Variants in USP51 observed in about 807,000 individuals in gnomAD.
The protein encoded by USP51 is ubiquitin carboxyl-terminal hydrolase 51.
USP51 carries 5 observed loss-of-function variants against 17.6 expected under a neutral mutation model. That is an observed-to-expected ratio of 0.28 (90% CI 0.15 to 0.60). The LOEUF is 0.60. Among genes scored for constraint, USP51 ranks in the 20% least tolerant of loss-of-function variants. The probability of loss-of-function intolerance (pLI) is 0.88; values close to 1 mark genes in which losing one functional copy is unlikely to be tolerated. For synonymous variants in USP51, 248 were observed against 216.1 expected (o/e 1.15, Z -1.29); for missense variants, 459 against 559.5 (o/e 0.82, Z 1.81).
intron 2 of USP51, 59 bp from the exon 3 acceptor site, chrX:55,489,047 G>C: frequency 9.4e-7 from 1 of 1,060,765 alleles, no homozygotes. Flanking sequence ...CATGGCCGCG[G>C]TGCGCAGTTA....
chrX:55,489,177 A>G lies in USP51; in HGVS notation c.-58T>C. On this transcript the variant is annotated 5_prime_UTR_variant, in exon 2 of 3. Coordinates refer to ENST00000500968, the MANE Select transcript of USP51 (RefSeq NM_201286.4). Reference sequence around the variant, plus strand: ...GAGACCGAGGCGGTTACCTGCTTCAAAGGCGATCAGATCATGCCAGGGGAC... The same window carrying G: ...GAGACCGAGGCGGTTACCTGCTTCAGAGGCGATCAGATCATGCCAGGGGAC... 4.7e-6 allele frequency: 2 copies of G among 426,887 alleles called. No individual in the cohort carries two copies. Among genetic ancestry groups the G allele is most frequent in the Non-Finnish European group, 4.1e-6 (1 of 246,332 alleles). 35.2% of individuals were successfully genotyped at this position (426,887 alleles called of 1,213,427 possible).
At position 55,488,611 on chromosome X, in the gene USP51, G is replaced by C. The variant is rs1452358168; in HGVS notation, c.329C>G (p.Pro110Arg). ...PRRKPRPRPQ[P>R]RARSRSQPGL... ...AGGCTGGCTGCGGGAGCGGGCCCGG[G>C]GCTGGGGCCGAGGGCGGGGCTTGCG... The change falls in exon 3 of 3, where the codon CCC becomes CGC. Residue 110 changes from proline (P) to arginine (R), a missense_variant. Pro to Arg is a moderately radical substitution (Grantham distance 103). Transcript: ENST00000500968. The C allele has an allele frequency of 8.8e-7, 1 of 1,137,624 alleles. No homozygotes were observed. Among genetic ancestry groups the C allele is most frequent in the Non-Finnish European group, 1.2e-6 (1 of 862,967 alleles). The allele number at this position is 1,137,624 out of a possible 1,213,427, so 93.8% of individuals were successfully genotyped here.
At position 55,488,613 on chromosome X, in the gene USP51, C is replaced by A. The variant is rs2031367028; in HGVS notation, c.327G>T (p.Gln109His). 2 of 1,141,070 alleles carry A rather than the reference C, an allele frequency of 1.8e-6. No homozygotes were observed. Among genetic ancestry groups the A allele is most frequent in the Non-Finnish European group, 2.3e-6 (2 of 864,255 alleles). The allele number at this position is 1,141,070 out of a possible 1,213,427, so 94.0% of individuals were successfully genotyped here. A position where few individuals can be genotyped will look rare whatever the true frequency, so the allele number is the denominator to read the frequency against. ...CPRRKPRPRP[Q>H]PRARSRSQPG... is the part of the protein sequence containing the mutation. ...GCTGGCTGCGGGAGCGGGCCCGGGG[C>A]TGGGGCCGAGGGCGGGGCTTGCGGC... Residue 109 changes from glutamine to histidine, a missense_variant, in exon 3 of 3, where the codon CAG becomes CAT. This residue lies in a region of USP51 where 232 missense variants were observed against 194.0 expected (regional missense o/e 1.20). Transcript: ENST00000500968.
Position 55,488,696 on chromosome X carries a change from T to C in USP51, c.244A>G (p.Lys82Glu). ...LTWSSSGGDEKVLPSIPLRCH... is the reference protein window; with the variant it reads ...LTWSSSGGDEEVLPSIPLRCH... ...CGAAGGGGGATTGAAGGGAGCACCT[T>C]CTCGTCGCCGCCGCTGCTGCTCCAC... The change falls in exon 3 of 3, where the codon AAG (lysine) becomes GAG (glutamate). Residue 82 changes from lysine (K) to glutamate (E), a missense_variant. By Grantham distance (56) the Lys-to-Glu change is moderately conservative. Transcript: ENST00000500968. 1 of 1,200,432 alleles carries C rather than the reference T, an allele frequency of 8.3e-7. No individual in the cohort carries two copies. The highest frequency in any genetic ancestry group is 1.1e-6 in the Non-Finnish European group (1 of 894,886).
rs1346936869 is a variant in USP51, at chrX:55,487,259, G to A, written c.1681C>T (p.His561Tyr). The A allele has an allele frequency of 1.7e-6, 2 of 1,211,689 alleles. No individual in the cohort carries two copies. Among genetic ancestry groups the A allele is most frequent in the Non-Finnish European group, 2.2e-6 (2 of 895,460 alleles). The part of the protein sequence containing the change: ...DCLQWFTRPE[H>Y]LGSSAKIKCN... ...TTGATTTTGGCACTGCTTCCTAGGT[G>A]CTCTGGCCTTGTAAACCACTGTAGA... Residue 561 changes from histidine to tyrosine, a missense_variant, in exon 3 of 3, where the codon CAC becomes TAC. Physicochemically the swap from His to Tyr is moderately conservative, Grantham distance 83. Transcript: ENST00000500968.
Position 55,485,627 on chromosome X carries a change from T to C in USP51, c.*1177A>G, listed in dbSNP as rs2031304466. 1 of 111,165 alleles carries C rather than the reference T, an allele frequency of 9.0e-6. No homozygotes were observed. Among genetic ancestry groups the C allele is most frequent in the African/African-American group, 3.3e-5 (1 of 30,764 alleles). 9.2% of individuals were successfully genotyped at this position (111,165 alleles called of 1,213,427 possible). A position where few individuals can be genotyped will look rare whatever the true frequency, so the allele number is the denominator to read the frequency against. ...TGCTTAAATAAAAAAATAGAACTTC[T>C]TAAACTTTTAATTTTAATAATTTTT... On this transcript the variant is annotated 3_prime_UTR_variant, in exon 3 of 3. Coordinates refer to ENST00000500968, the MANE Select transcript of USP51 (RefSeq NM_201286.4).
rs1569195672 is a variant in USP51 at position 55,484,630 on chromosome X, A to C, written c.*2174T>G. The C allele has an allele frequency of 2.7e-5, 3 of 112,273 alleles. No individual in the cohort carries two copies. Among genetic ancestry groups the C allele is most frequent in the Non-Finnish European group, 5.6e-5 (3 of 53,283 alleles). 9.3% of individuals were successfully genotyped at this position (112,273 alleles called of 1,213,427 possible). A position where few individuals can be genotyped will look rare whatever the true frequency, so the allele number is the denominator to read the frequency against. ...CTGAACTCATCTTCACATTTAACAA[A>C]TATTTATTAACACAGAAATGAATAA... On this transcript the variant is annotated 3_prime_UTR_variant, in exon 3 of 3. Transcript: ENST00000500968.
Position 55,486,679 on chromosome X carries a change from T to C in USP51, c.*125A>G. The stretch of plus-strand genomic sequence containing the variant: ...CCATGGGCCATGCTAAAATAGGTTC[T>C]TTATATCAAGATACTAGCTGTCACA... On this transcript the variant is annotated 3_prime_UTR_variant, in exon 3 of 3. Transcript: ENST00000500968. 1.0e-6 allele frequency: 1 copy of C among 976,665 alleles called. No individual in the cohort carries two copies. The highest frequency in any genetic ancestry group is 1.4e-6 in the Non-Finnish European group (1 of 733,581). 80.5% of individuals were successfully genotyped at this position (976,665 alleles called of 1,213,427 possible). A position where few individuals can be genotyped will look rare whatever the true frequency, so the allele number is the denominator to read the frequency against.
chrX:55,486,310 T>G lies in USP51; in HGVS notation c.*494A>C, dbSNP rs1384649769. ...TAAAAGTTTTTTTCTTTTAAAATCT[T>G]AAAAATGATTTTTTCCTTTTTAAAT... On this transcript the variant is annotated 3_prime_UTR_variant, in exon 3 of 3. Transcript: ENST00000500968. 1 of 112,571 alleles carries G rather than the reference T, an allele frequency of 8.9e-6. No individual in the cohort carries two copies. Among genetic ancestry groups the G allele is most frequent in the African/African-American group, 3.2e-5 (1 of 31,086 alleles). The allele number at this position is 112,571 out of a possible 1,213,427, so 9.3% of individuals were successfully genotyped here. A position where few individuals can be genotyped will look rare whatever the true frequency, so the allele number is the denominator to read the frequency against.
rs780016291 is a variant in USP51, at chrX:55,487,521, C to A, written c.1419G>T (p.Glu473Asp). The change falls in exon 3 of 3, where the codon GAG (glutamate) becomes GAT (aspartate). Residue 473 changes from glutamate (E) to aspartate (D), a missense_variant. Around this residue, in one of 2 missense-constraint regions of USP51, gnomAD observed 227 missense variants for 365.5 expected, o/e 0.62. Coordinates refer to ENST00000500968, the MANE Select transcript of USP51 (RefSeq NM_201286.4). ...RHSKDDSGGQEANNPNCCNCI... is the reference protein window; with the variant it reads ...RHSKDDSGGQDANNPNCCNCI... ...AGTTACAGCAGTTGGGGTTATTGGC[C>A]TCCTGCCCACCACTATCATCTTTGC... The A allele has an allele frequency of 1.7e-6, 2 of 1,210,368 alleles. No homozygotes were observed. The highest frequency in any genetic ancestry group is 3.0e-5 in the East Asian group (1 of 33,787).
In USP51 at chrX:55,488,730, C is replaced by T. The variant is rs777481276; in HGVS notation, c.210G>A (p.Glu70=). Reference sequence around the variant, plus strand: ...CGCCGCTGCTGCTCCACGTCAAGTTCTCCTCCGGCGCGGGCTCACGCTCTT... The same window carrying T: ...CGCCGCTGCTGCTCCACGTCAAGTTTTCCTCCGGCGCGGGCTCACGCTCTT... ...PLQEREPAPE[E]NLTWSSSGGD... Residue 70 remains glutamate, a synonymous_variant, in exon 3 of 3, where the codon GAG becomes GAA. Transcript: ENST00000500968. 4 of 1,205,296 alleles carry T rather than the reference C, an allele frequency of 3.3e-6. No individual in the cohort carries two copies. Among genetic ancestry groups the T allele is most frequent in the Admixed American group, 4.3e-5 (2 of 46,116 alleles).
At position 55,488,490 on chromosome X, in the gene USP51, G is replaced by A; in HGVS notation, c.450C>T (p.Ser150=). Residue 150 remains serine (S), a synonymous_variant, in exon 3 of 3, where the codon TCC becomes TCT. Coordinates refer to ENST00000500968, the MANE Select transcript of USP51 (RefSeq NM_201286.4). Reference sequence around the variant, plus strand: ...TGGACCCAGGCCGGGATCTGCGCCGGGATCCACGCCAGGCCCTGGGCCGCG... The same window carrying A: ...TGGACCCAGGCCGGGATCTGCGCCGAGATCCACGCCAGGCCCTGGGCCGCG... ...PAPRPRAWRG[S]RRRSRPGSRP... 8.3e-7 allele frequency: 1 copy of A among 1,200,364 alleles called. No homozygotes were observed. The highest frequency in any genetic ancestry group is 2.3e-4 in the Middle Eastern group (1 of 4,288).
In USP51 at chrX:55,486,573, A is replaced by C; in HGVS notation, c.*231T>G. On this transcript the variant is annotated 3_prime_UTR_variant, in exon 3 of 3. Coordinates refer to ENST00000500968, the MANE Select transcript of USP51 (RefSeq NM_201286.4). ...TCATTTCATTATGCTTTATGTGACC[A>C]TTTTCAACCTCTTCTCCCTCTCCCC... The C allele has an allele frequency of 2.7e-6, 1 of 373,863 alleles. No homozygotes were observed. The highest frequency in any genetic ancestry group is 4.3e-5 in the East Asian group (1 of 23,243). 30.8% of individuals were successfully genotyped at this position (373,863 alleles called of 1,213,427 possible).
rs1422472431 is a variant in USP51 at position 55,488,421 on chromosome X, CGACCCGTCTAGGTCACCA to C, written c.501_518del (p.Leu170_Asp175del). ...AGTCCCCTAAGCCGCCAGGATCCCC[CGACCCGTCTAGGTCACCA>C]GAGCAGCTTCTCCGTGTCTGAGGCC... On this transcript the variant is annotated inframe_deletion, in exon 3 of 3. Coordinates refer to ENST00000500968, the MANE Select transcript of USP51 (RefSeq NM_201286.4). 2 of 1,209,810 alleles carry C rather than the reference CGACCCGTCTAGGTCACCA, an allele frequency of 1.7e-6. No homozygotes were observed. Among genetic ancestry groups the C allele is most frequent in the African/African-American group, 3.5e-5 (2 of 57,378 alleles).
chrX:55,488,841 C>T lies in USP51; in HGVS notation c.99G>A (p.Lys33=), dbSNP rs1383482262. 8.3e-7 allele frequency: 1 copy of T among 1,209,890 alleles called. No homozygotes were observed. The highest frequency in any genetic ancestry group is 1.7e-5 in the African/African-American group (1 of 57,224). ...GGASPEEAVE[K]AGKMEEAAAG... ...CCGCCGCCTCCTCCATTTTCCCCGC[C>T]TTCTCAACCGCCTCCTCAGGAGAGG... The change falls in exon 3 of 3, where the codon AAG becomes AAA. Residue 33 remains lysine (K), a synonymous_variant. Transcript: ENST00000500968.
In USP51 at chrX:55,488,642, G is replaced by A. The variant is rs1257875823; in HGVS notation, c.298C>T (p.Pro100Ser). The change falls in exon 3 of 3, where the codon CCG becomes TCG. Residue 100 changes from proline to serine, a missense_variant. By Grantham distance (74) the Pro-to-Ser change is moderately conservative. Coordinates refer to ENST00000500968, the MANE Select transcript of USP51 (RefSeq NM_201286.4). ...RCHSSSSPVC[P>S]RRKPRPRPQP... ...GGCCGAGGGCGGGGCTTGCGGCGCG[G>A]GCAAACGGGCGAGGAGCTGCTGTGA... 1.7e-6 allele frequency: 2 copies of A among 1,177,891 alleles called. No homozygotes were observed. The highest frequency in any genetic ancestry group is 2.3e-5 in the Admixed American group (1 of 44,010).
chrX:55,488,729 TCTC>T lies in USP51; in HGVS notation c.208_210del (p.Glu70del), dbSNP rs768592905. The T allele has an allele frequency of 1.7e-6, 2 of 1,203,164 alleles. No individual in the cohort carries two copies. The highest frequency in any genetic ancestry group is 3.5e-5 in the South Asian group (2 of 56,778). ...CCGCCGCTGCTGCTCCACGTCAAGT[TCTC>T]CTCCGGCGCGGGCTCACGCTCTTGT... On this transcript the variant is annotated inframe_deletion, in exon 3 of 3. Transcript: ENST00000500968.
intron 2 of USP51, 70 bp downstream of exon 2, chrX:55,489,099 G>A: frequency 1.3e-6 from 1 of 755,331 alleles, no homozygotes; most frequent in Non-Finnish European, 1.9e-6. Context: ...AGCTCAGCCC[G>A]CGGCTTCTGT....
Position 55,488,970 on chromosome X carries a change from G to T in USP51, c.-31C>A. 1 of 1,184,977 alleles carries T rather than the reference G, an allele frequency of 8.4e-7. No homozygotes were observed. The highest frequency in any genetic ancestry group is 1.1e-6 in the Non-Finnish European group (1 of 881,819). The stretch of plus-strand genomic sequence containing the variant: ...CACTCCCCGACCTGAGGAGCAAGGC[G>T]TCTGGAAAACAGCTGCGACTGTAGA... On this transcript the variant is annotated 5_prime_UTR_variant, in exon 3 of 3. Transcript: ENST00000500968.
Sources: gnomAD v4.1 joint callset for allele counts on GRCh38, gnomAD v4.1.1 for gene constraint, gnomAD v4.1.1 regional missense constraint, MANE v1.5 for transcripts, NCBI Gene and HGNC (gene_info 2026-07-23, HGNC 2026-07-21) for gene names.